Variants in MICALL1 observed in about 807,000 individuals in gnomAD.
MICALL1 encodes MICAL like 1.
A neutral mutation model predicts 83.7 loss-of-function variants in MICALL1; 61 were observed. That is an observed-to-expected ratio of 0.73 (90% CI 0.59 to 0.90). MICALL1 has a LOEUF of 0.90. Ranked by LOEUF, MICALL1 falls within the 40% of genes least tolerant of loss-of-function variation. MICALL1 has a pLI of 0.00. For missense variants in MICALL1, 1,066 were observed against 1,152.0 expected (o/e 0.93, Z 1.08); for synonymous variants, 481 against 473.6 (o/e 1.02, Z -0.20).
chr22:37,916,481 C>T (rs1226635834), intron 3 of MICALL1, among the ~76,000 whole-genome samples: 1 of 152,178 alleles, frequency 6.6e-6, no homozygotes, highest in Non-Finnish European at 1.5e-5. Context: ...CTGTTCGACT[C>T]CCCCAGATGG....
intron 15 of MICALL1, among the ~76,000 whole-genome samples, chr22:37,938,810 G>A (rs773671111): frequency 6.6e-6 from 1 of 151,806 alleles, no homozygotes; most frequent in African/African-American, 2.4e-5. Flanking sequence ...ATGGGGTTTC[G>A]CCATGTTGGC....
chr22:37,922,796 G>GTTTTTTT (rs574266914), intron 6 of MICALL1, among the ~76,000 whole-genome samples: 11 of 69,198 alleles, frequency 1.6e-4, no homozygotes, highest in Non-Finnish European at 2.3e-4. Context: ...GTTTTTTTTT[G>GTTTTTTT]TTTTTTTTTT....
intron 8 of MICALL1, chr22:37,927,181 G>A (rs1426347793): frequency 3.8e-5 from 20 of 520,442 alleles, no homozygotes; most frequent in Admixed American, 2.3e-4. Context: ...GGGAAGTGGA[G>A]GCAGCAGGCA....
At chr22:37,925,610 A>G in intron 7 of MICALL1, 51 bp from the exon 8 acceptor site, 2 of 1,481,062 alleles carry the variant, frequency 1.4e-6, no homozygotes, top group Non-Finnish European at 1.8e-6. Context: ...GAGAGAAGGA[A>G]GCTGACCCTT....
At chr22:37,913,224 A>G (rs556496253) in intron 3 of MICALL1, among the ~76,000 whole-genome samples, 15 of 151,702 alleles carry the variant, frequency 9.9e-5, no homozygotes, top group Non-Finnish European at 1.8e-4. Context: ...TCAGCCTCCA[A>G]AAGTGCTGGG....
At chr22:37,923,429 TG>T in intron 6 of MICALL1, among the ~76,000 whole-genome samples, 1 of 152,292 alleles carries the variant, frequency 6.6e-6, no homozygotes, top group South Asian at 2.1e-4. Flanking sequence ...GTTTTCACCA[TG>T]TTGGCCAGGC....
rs56738394 is a variant in MICALL1 at position 37,925,334 on chromosome 22, C to T, written c.1083-327C>T. ...TGTGAGGCAAGGATTATTAAGGTCC[C>T]CATTGAGTGGAAAGGGAGACTAATA... On this transcript the variant is annotated intron_variant, in intron 7 of 15. Coordinates refer to ENST00000215957, the MANE Select transcript of MICALL1 (RefSeq NM_033386.4). Among the ~76,000 whole-genome samples the T allele has an allele frequency of 4.2e-3, 634 of 152,222 alleles. 6 individuals carry two copies. Among genetic ancestry groups the T allele is most frequent in the African/African-American group, 0.015 (614 of 41,534 alleles).
At position 37,912,469 on chromosome 22, in the gene MICALL1, A is replaced by G. The variant is rs745375036; in HGVS notation, c.314A>G (p.Asn105Ser). ...SIMTYVSQYY[N>S]HFCSPGQAGV... Reference sequence around the variant, plus strand: ...ATGACCTATGTGTCCCAGTATTACAACCACTTCTGCAGTCCTGGCCAAGGT... The same window carrying G: ...ATGACCTATGTGTCCCAGTATTACAGCCACTTCTGCAGTCCTGGCCAAGGT... The change falls in exon 3 of 16, where the codon AAC becomes AGC. Residue 105 changes from asparagine to serine, a missense_variant. Coordinates refer to ENST00000215957, the MANE Select transcript of MICALL1 (RefSeq NM_033386.4). 4 of 1,612,992 alleles carry G rather than the reference A, an allele frequency of 2.5e-6. No individual in the cohort carries two copies. The highest frequency in any genetic ancestry group is 2.7e-5 in the African/African-American group (2 of 74,986).
chr22:37,907,695 G>A (rs1928052322), intron 1 of MICALL1, among the ~76,000 whole-genome samples: 1 of 152,242 alleles, frequency 6.6e-6, no homozygotes, highest in African/African-American at 2.4e-5. Flanking sequence ...ATTCCATGAT[G>A]CAGGTGCACC....
rs558153807 is a variant in MICALL1 at position 37,927,754 on chromosome 22, G to A, written c.1809G>A (p.Thr603=). 2.2e-5 allele frequency: 36 copies of A among 1,613,676 alleles called. 1 individual carries two copies. Among genetic ancestry groups the A allele is most frequent in the South Asian group, 5.5e-5 (5 of 91,068 alleles). The change falls in exon 9 of 16, where the codon ACG becomes ACA. Residue 603 remains threonine, a synonymous_variant. Transcript: ENST00000215957. Reference sequence around the variant, plus strand: ...AGCCCTGCAGTGGCGCCACCCCAACGCCTCTCTTGTTGGTTGGAGACAGGA... The same window carrying A: ...AGCCCTGCAGTGGCGCCACCCCAACACCTCTCTTGTTGGTTGGAGACAGGA... ...PAKPCSGATP[T]PLLLVGDRSP... is the part of the protein sequence containing the mutation.
Position 37,925,887 on chromosome 22 carries a change from G to T in MICALL1, c.1309G>T (p.Glu437Ter). Residue 437 changes from glutamate to a stop codon, truncating the protein, a stop_gained, in exon 8 of 16, where the codon GAG becomes TAG. Coordinates refer to ENST00000215957, the MANE Select transcript of MICALL1 (RefSeq NM_033386.4). LOFTEE classifies it high-confidence loss of function. ...GGAGGAGGAGGAGGACAAGGAGGAA[G>T]AGGCTCCAGCTGCACCCAGCCTGGC... Reference protein sequence around the residue: ...FEEEEEDKEEEAPAAPSLATS... With the variant: ...FEEEEEDKEE 1 of 1,613,358 alleles carries T rather than the reference G, an allele frequency of 6.2e-7. No individual in the cohort carries two copies. The highest frequency in any genetic ancestry group is 1.1e-5 in the South Asian group (1 of 90,992).
In MICALL1 at chr22:37,912,503, G is replaced by T; in HGVS notation, c.337+11G>T. The T allele has an allele frequency of 1.3e-6, 2 of 1,588,710 alleles. No individual in the cohort carries two copies. Among genetic ancestry groups the T allele is most frequent in the East Asian group, 2.3e-5 (1 of 44,282 alleles). ...GCAGTCCTGGCCAAGGTGAGAGGGG[G>T]ACTCAGCGTTTCACGGAGGCTGGCC... is the stretch of plus-strand genomic sequence containing the variant. On this transcript the variant is annotated intron_variant, in intron 3 of 15. Transcript: ENST00000215957.
chr22:37,928,482 A>G (rs1415612785), intron 9 of MICALL1, among the ~76,000 whole-genome samples: 1 of 152,222 alleles, frequency 6.6e-6, no homozygotes, highest in Non-Finnish European at 1.5e-5. Context: ...CTGCAATTAC[A>G]GGCGTGAGCC....
At chr22:37,909,564 T>TA (rs1928185857) in intron 1 of MICALL1, among the ~76,000 whole-genome samples, 1 of 151,652 alleles carries the variant, frequency 6.6e-6, no homozygotes, top group Admixed American at 6.6e-5. Context: ...TTCACTGTGT[T>TA]AGTCAGGATG....
At position 37,906,528 on chromosome 22, in the gene MICALL1, G is replaced by T; in HGVS notation, c.106G>T (p.Ala36Ser). The T allele has an allele frequency of 8.1e-7, 1 of 1,230,040 alleles. No individual in the cohort carries two copies. The highest frequency in any genetic ancestry group is 1.0e-6 in the Non-Finnish European group (1 of 975,790). 76.2% of individuals were successfully genotyped at this position (1,230,040 alleles called of 1,614,324 possible). A position where few individuals can be genotyped will look rare whatever the true frequency, so the allele number is the denominator to read the frequency against. ...DLSSSFRDGL[A>S]FCAILHRHRP... ...GAGCAGCTCCTTCCGGGACGGCCTG[G>T]CCTTCTGCGCCATCCTGCACCGGCA... The change falls in exon 1 of 16, where the codon GCC becomes TCC. Residue 36 changes from alanine to serine, a missense_variant. Coordinates refer to ENST00000215957, the MANE Select transcript of MICALL1 (RefSeq NM_033386.4). The surrounding 1 kb of genome is among the most constrained non-coding windows in gnomAD (Gnocchi z 4.4).
At chr22:37,914,539 A>ATT (rs752716175) in intron 3 of MICALL1, among the ~76,000 whole-genome samples, 1 of 149,992 alleles carries the variant, frequency 6.7e-6, no homozygotes, top group Non-Finnish European at 1.5e-5. Context: ...CTTTTCTTTC[A>ATT]TTATATATAT....
At position 37,942,104 on chromosome 22, in the gene MICALL1, G is replaced by A. The variant is rs1930467268; in HGVS notation, c.*1274G>A. 1 of 152,312 alleles carries A rather than the reference G, an allele frequency of 6.6e-6. No individual in the cohort carries two copies. Among genetic ancestry groups the A allele is most frequent in the Non-Finnish European group, 1.5e-5 (1 of 68,092 alleles). 9.4% of individuals were successfully genotyped at this position (152,312 alleles called of 1,614,324 possible). A position where few individuals can be genotyped will look rare whatever the true frequency, so the allele number is the denominator to read the frequency against. On this transcript the variant is annotated 3_prime_UTR_variant, in exon 16 of 16. Coordinates refer to ENST00000215957, the MANE Select transcript of MICALL1 (RefSeq NM_033386.4). ...GCTGAACATCTCTGGTCGCCCAGAG[G>A]CCATGTTGGGGCCATCCTCCAAGAG...
chr22:37,925,753 C>G lies in MICALL1; in HGVS notation c.1175C>G (p.Pro392Arg), dbSNP rs375019304. The change falls in exon 8 of 16, where the codon CCG becomes CGG. Residue 392 changes from proline to arginine, a missense_variant. Physicochemically the swap from Pro to Arg is moderately radical, Grantham distance 103 (BLOSUM62 -2). Coordinates refer to ENST00000215957, the MANE Select transcript of MICALL1 (RefSeq NM_033386.4). ...GCCCCACTTCCCCCAAGCAGCAGCCCGGGGCCACCAAGCCAGGACAGCAGG... is the reference window on the plus strand; with the variant it reads ...GCCCCACTTCCCCCAAGCAGCAGCCGGGGGCCACCAAGCCAGGACAGCAGG... ...KPAPLPPSSSPGPPSQDSRQV... is the reference protein window; with the variant it reads ...KPAPLPPSSSRGPPSQDSRQV... The G allele has an allele frequency of 1.2e-6, 2 of 1,612,484 alleles. No homozygotes were observed. Among genetic ancestry groups the G allele is most frequent in the African/African-American group, 2.7e-5 (2 of 74,802 alleles).
intron 9 of MICALL1, 58 bp from the exon 10 acceptor site, chr22:37,931,741 T>TG: frequency 1.3e-6 from 2 of 1,599,738 alleles, no homozygotes; most frequent in Non-Finnish European, 1.7e-6. Flanking sequence ...ATGAGGCTGC[T>TG]GGGGTCTCAC....
Sources: allele counts gnomAD v4.1 joint callset (sites outside exome capture counted in the v4.1 genomes callset), GRCh38; gene constraint gnomAD v4.1.1; non-coding constraint Gnocchi (gnomAD v3.1); transcripts MANE v1.5; gene names NCBI Gene and HGNC (gene_info 2026-07-23, HGNC 2026-07-21).